Variants in HOMER2 observed in about 807,000 individuals in gnomAD.
HOMER2 encodes the protein homer protein homolog 2.
Under a neutral mutation model 47.0 loss-of-function variants are expected in HOMER2, and 27 were observed. The ratio of observed to expected loss-of-function variants is 0.57; its 90% CI spans 0.42 to 0.79. The LOEUF (loss-of-function observed/expected upper bound fraction) is 0.79. HOMER2 is among the 30% of genes least tolerant of loss of function. HOMER2 has a pLI of 0.00. For synonymous variants in HOMER2, 161 were observed against 163.8 expected (o/e 0.98, Z 0.13); for missense variants, 443 against 435.0 (o/e 1.02, Z -0.16).
At chr15:82,905,212 G>A (rs2053251316) in intron 1 of HOMER2, among the ~76,000 whole-genome samples, 1 of 151,534 alleles carries the variant, frequency 6.6e-6, no homozygotes, top group South Asian at 2.1e-4. Flanking sequence ...GCCTTAAACT[G>A]CTTTCGGAAG....
At chr15:82,963,296 C>A (rs1432101682) in intron 1 of HOMER2, among the ~76,000 whole-genome samples, 2 of 151,888 alleles carry the variant, frequency 1.3e-5, no homozygotes, top group Admixed American at 6.6e-5. Context: ...CCCTATGTTG[C>A]CCACGATGGT....
intron 7 of HOMER2, 138 bp downstream of exon 7, chr15:82,852,004 T>C: frequency 1.6e-6 from 1 of 625,908 alleles, no homozygotes; most frequent in South Asian, 1.9e-5. Context: ...TGCACCTTGC[T>C]GTGGCTCCCA....
At chr15:82,879,139 T>A (rs2151078014) in intron 2 of HOMER2, among the ~76,000 whole-genome samples, 1 of 152,342 alleles carries the variant, frequency 6.6e-6, no homozygotes, top group South Asian at 2.1e-4. Flanking sequence ...TCAAAAAAAA[T>A]TCTAAGACTC....
intron 5 of HOMER2, among the ~76,000 whole-genome samples, chr15:82,855,780 CAT>C (rs1477165937): frequency 6.6e-6 from 1 of 152,228 alleles, no homozygotes; most frequent in Non-Finnish European, 1.5e-5. Flanking sequence ...ACAAAGGCCT[CAT>C]GTTTCATCTG....
chr15:82,857,861 C>T (rs2051640462), intron 5 of HOMER2, among the ~76,000 whole-genome samples: 2 of 152,184 alleles, frequency 1.3e-5, no homozygotes, highest in South Asian at 4.1e-4. Context: ...CGCCCTAAAC[C>T]ACGAAGCTCA....
chr15:82,903,781 G>A (rs1460968723), intron 1 of HOMER2, among the ~76,000 whole-genome samples: 1 of 152,086 alleles, frequency 6.6e-6, no homozygotes, highest in Non-Finnish European at 1.5e-5. Context: ...GATGGCTTGA[G>A]GCCAGGAATT....
At chr15:82,910,357 C>T (rs1000291693) in intron 1 of HOMER2, among the ~76,000 whole-genome samples, 2 of 151,992 alleles carry the variant, frequency 1.3e-5, no homozygotes, top group Admixed American at 6.6e-5. Context: ...GGAACGCTGC[C>T]GAGGAGTCCA....
rs1454415412 is a variant in HOMER2 at position 82,973,254 on chromosome 15, T to C, written n.82+12533A>G. ...AGCTCCTATGTCTCAGAAATATGCCTCAAATATGTTTTTCTGTAGGTTCCT... is the reference window on the plus strand; with the variant it reads ...AGCTCCTATGTCTCAGAAATATGCCCCAAATATGTTTTTCTGTAGGTTCCT... On this transcript the variant is annotated intron_variant and non_coding_transcript_variant, in intron 1 of 1. Coordinates refer to the HOMER2 transcript ENST00000500334. Among the ~76,000 whole-genome samples, 3 of 152,280 alleles carry C rather than the reference T, an allele frequency of 2.0e-5. No individual in the cohort carries two copies. The East Asian group carries it at 5.8e-4, about 29-fold the overall frequency.
downstream of HOMER2, chr15:82,846,467 C>G (rs1434268967): frequency 6.6e-6 from 1 of 152,190 alleles, no homozygotes; most frequent in Non-Finnish European, 1.5e-5. Flanking sequence ...GTAATATGCT[C>G]TTATCAGGAT....
chr15:82,892,185 C>A (rs963482430), intron 2 of HOMER2, among the ~76,000 whole-genome samples: 5 of 152,148 alleles, frequency 3.3e-5, no homozygotes, highest in Non-Finnish European at 7.4e-5. Context: ...ATACCCAATG[C>A]TGGCAAGGGT....
At chr15:82,923,864 G>A (rs928859635) in intron 1 of HOMER2, among the ~76,000 whole-genome samples, 3 of 152,080 alleles carry the variant, frequency 2.0e-5, no homozygotes, top group Admixed American at 2.0e-4. Context: ...TTCCCAATGC[G>A]CCCTGCCTGG....
intron 5 of HOMER2, among the ~76,000 whole-genome samples, chr15:82,855,510 CGGA>C (rs2051556561): frequency 6.6e-6 from 1 of 152,042 alleles, no homozygotes; most frequent in South Asian, 2.1e-4. Flanking sequence ...AAGCCATGGA[CGGA>C]CCTCCAGGAC....
In HOMER2 at chr15:82,837,505, A is replaced by C. The variant is rs1003325505; in HGVS notation, c.*9769T>G. 5.2e-4 allele frequency: 79 copies of C among 152,184 alleles called. 1 individual carries two copies. The highest frequency in any genetic ancestry group is 1.8e-3 in the African/African-American group (73 of 41,452). The allele number at this position is 152,184 out of a possible 1,614,324, so 9.4% of individuals were successfully genotyped here. On this transcript the variant is annotated 3_prime_UTR_variant, in exon 2 of 2. Transcript: ENST00000558090. The stretch of plus-strand genomic sequence containing the variant: ...TGTCCTTAGAAAAATGCTACTACAC[A>C]AAAGTCAGAGGACCTTAGTGGGCTG...
At chr15:82,899,165 G>A (rs1446499950) in intron 1 of HOMER2, among the ~76,000 whole-genome samples, 1 of 152,222 alleles carries the variant, frequency 6.6e-6, no homozygotes, top group East Asian at 1.9e-4. Flanking sequence ...CTCACCAGAA[G>A]GGCTTCTGCT....
intron 1 of HOMER2, chr15:82,952,063 T>C (rs1370988049): frequency 1.0e-6 from 1 of 982,866 alleles, no homozygotes; most frequent in African/African-American, 1.7e-5. Flanking sequence ...AGATCCAAAG[T>C]CCACTATTCC....
At chr15:82,944,153 C>A (rs2054321915) in intron 1 of HOMER2, among the ~76,000 whole-genome samples, 1 of 152,016 alleles carries the variant, frequency 6.6e-6, no homozygotes, top group Non-Finnish European at 1.5e-5. Flanking sequence ...ATAAATTCTA[C>A]CAGAATGATA....
intron 2 of HOMER2, among the ~76,000 whole-genome samples, chr15:82,890,228 C>T (rs1045991783): frequency 2.6e-5 from 4 of 152,086 alleles, no homozygotes; most frequent in Non-Finnish European, 1.5e-5. Flanking sequence ...TATAATCCCA[C>T]CTACTTGGGT....
At chr15:82,903,965 C>T (rs2053211339) in intron 1 of HOMER2, among the ~76,000 whole-genome samples, 1 of 152,012 alleles carries the variant, frequency 6.6e-6, no homozygotes, top group Admixed American at 6.6e-5. Flanking sequence ...AGCAAAACCC[C>T]GTTTCTACTA....
At chr15:82,918,480 C>A (rs997120760) in intron 1 of HOMER2, among the ~76,000 whole-genome samples, 1 of 152,110 alleles carries the variant, frequency 6.6e-6, no homozygotes, top group African/African-American at 2.4e-5. Flanking sequence ...GAGTATCAGG[C>A]CCCACCTCAG....
Sources: allele counts gnomAD v4.1 joint callset (sites outside exome capture counted in the v4.1 genomes callset), GRCh38; gene constraint gnomAD v4.1.1; transcripts MANE v1.5; gene names NCBI Gene and HGNC (gene_info 2026-07-23, HGNC 2026-07-21).